FADS2: variants seen among roughly 807,000 people sequenced by gnomAD.
FADS2 encodes acyl-CoA 6-desaturase.
A neutral mutation model predicts 61.2 loss-of-function variants in FADS2; 18 were observed. That is an observed-to-expected ratio of 0.29 (90% CI 0.20 to 0.44). The LOEUF (loss-of-function observed/expected upper bound fraction) is 0.44. FADS2 is among the 20% of genes least tolerant of loss of function. FADS2 has a pLI of 1.00. For missense variants in FADS2, 322 were observed against 572.7 expected (o/e 0.56, Z 4.47); for synonymous variants, 203 against 223.9 (o/e 0.91, Z 0.83).
At position 61,837,834 on chromosome 11, in the gene FADS2, C is replaced by G. The variant is rs761610364; in HGVS notation, c.264C>G (p.Pro88=). Reference sequence around the variant, plus strand: ...AATTCGTGGGCAAGTTCTTGAAACCCCTGCTGATTGGTGAACTGGCCCCGG... The same window carrying G: ...AATTCGTGGGCAAGTTCTTGAAACCGCTGCTGATTGGTGAACTGGCCCCGG... ...DLEFVGKFLK[P]LLIGELAPEE... The change falls in exon 2 of 12, where the codon CCC becomes CCG. Residue 88 remains proline (P), a synonymous_variant. Transcript: ENST00000278840. 1.9e-6 allele frequency: 3 copies of G among 1,613,928 alleles called. No homozygotes were observed. In the South Asian group the frequency reaches 3.3e-5, roughly 18 times the overall value.
chr11:61,863,236 G>A, intron 8 of FADS2, 46 bp from the exon 9 acceptor site: 1 of 1,530,092 alleles, frequency 6.5e-7, no homozygotes, highest in Non-Finnish European at 9.1e-7. Flanking sequence ...TTCCCACTGT[G>A]GCTGGGCCCC....
upstream of FADS2, chr11:61,826,154 C>G: frequency 1.4e-6 from 1 of 702,662 alleles, no homozygotes; most frequent in South Asian, 1.5e-5. Flanking sequence ...TCCTCCCTTC[C>G]TACCCCTTAC....
chr11:61,822,623 G>A (rs1339415595), intron 1 of FADS2, among the ~76,000 whole-genome samples: 2 of 152,132 alleles, frequency 1.3e-5, no homozygotes, highest in Non-Finnish European at 2.9e-5. Flanking sequence ...CAGATTGCCC[G>A]GGGAATGGGT....
upstream of FADS2, among the ~76,000 whole-genome samples, chr11:61,823,368 T>C (rs2135948616): frequency 1.3e-5 from 2 of 152,370 alleles, no homozygotes; most frequent in East Asian, 3.9e-4. Context: ...TTGGACATTA[T>C]GTCCACCTCT....
chr11:61,861,577 A>G (rs992688729), intron 7 of FADS2, among the ~76,000 whole-genome samples: 22 of 152,160 alleles, frequency 1.4e-4, no homozygotes, highest in Non-Finnish European at 3.1e-4. Context: ...AATAGAAGGA[A>G]TGTGATGGAA....
chr11:61,848,083 T>C, intron 4 of FADS2, 76 bp from the exon 5 acceptor site: 1 of 1,598,848 alleles, frequency 6.3e-7, no homozygotes, highest in African/African-American at 1.3e-5. Context: ...GAACTGCTCC[T>C]AAGAAGGGCC....
chr11:61,860,574 C>T (rs1439734909), intron 7 of FADS2, among the ~76,000 whole-genome samples: 1 of 152,234 alleles, frequency 6.6e-6, no homozygotes, highest in African/African-American at 2.4e-5. Flanking sequence ...CTCTTGGGCT[C>T]TCTGCCCCTG....
chr11:61,824,500 AAG>A (rs2067064164), upstream of FADS2, among the ~76,000 whole-genome samples: 1 of 9,520 alleles, frequency 1.1e-4, no homozygotes, highest in African/African-American at 1.5e-4. Flanking sequence ...GAAAGAAAGA[AAG>A]GAAAGAAAGA....
chr11:61,824,441 AGGGAG>A (rs1565325197), upstream of FADS2, among the ~76,000 whole-genome samples: 1 of 3,550 alleles, frequency 2.8e-4, no homozygotes, highest in African/African-American at 6.8e-4. Flanking sequence ...AGAGGGAGGG[AGGGAG>A]GGAGGGAGGG....
chr11:61,824,503 GAAAGAAAGAAAGAAAGAAAGAA>G (rs2067064902), upstream of FADS2, among the ~76,000 whole-genome samples: 1 of 1,914 alleles, frequency 5.2e-4, no homozygotes, highest in Non-Finnish European at 2.4e-3. Flanking sequence ...AGAAAGAAAG[GAAAGAAAGAAAGAAAGAAAGAA>G]AGAAAAATCA....
At chr11:61,825,248 T>C (rs985890119), upstream of FADS2, among the ~76,000 whole-genome samples, 1 of 152,212 alleles carries the variant, frequency 6.6e-6, no homozygotes, top group Non-Finnish European at 1.5e-5. Flanking sequence ...ATCAGACTTA[T>C]TTCTCTTATT....
At chr11:61,817,909 C>A (rs7927451) in intron 1 of FADS2, among the ~76,000 whole-genome samples, 1,543 of 152,320 alleles carry the variant, frequency 0.01, 23 homozygotes, top group African/African-American at 0.035. Context: ...ATTCTCCTAA[C>A]AACCCTATGA....
chr11:61,855,452 C>T (rs2067348539), intron 5 of FADS2: 1 of 152,268 alleles, frequency 6.6e-6, no homozygotes, highest in South Asian at 2.1e-4. Flanking sequence ...ACTGGAGACT[C>T]ATGAAAGGCT....
Position 61,828,515 on chromosome 11 carries a change from A to G in FADS2, c.125A>G (p.Lys42Arg), listed in dbSNP as rs2067101758. The change falls in exon 1 of 12, where the codon AAG becomes AGG. Residue 42 changes from lysine (K) to arginine (R), a missense_variant. Physicochemically the swap from Lys to Arg is conservative, Grantham distance 26. Around this residue, in one of 3 missense-constraint regions of FADS2, gnomAD observed 61 missense variants for 107.4 expected, o/e 0.57. Transcript: ENST00000278840. This position sits in a 1 kb window ranked among gnomAD's most constrained non-coding sequence, Gnocchi z 6.4. Reference sequence around the variant, plus strand: ...GACAGGTGGCTGGTCATTGACCGCAAGGTTTACAACATCACCAAATGGTCC... The same window carrying G: ...GACAGGTGGCTGGTCATTGACCGCAGGGTTTACAACATCACCAAATGGTCC... ...RTDRWLVIDR[K>R]VYNITKWSIQ... 6.2e-7 allele frequency: 1 copy of G among 1,613,802 alleles called. No homozygotes were observed. The highest frequency in any genetic ancestry group is 1.1e-5 in the South Asian group (1 of 90,994).
intron 1 of FADS2, among the ~76,000 whole-genome samples, 168 bp from the exon 2 acceptor site, chr11:61,837,610 T>C (rs188675300): frequency 6.6e-6 from 1 of 152,300 alleles, no homozygotes. Flanking sequence ...CACTGAGGGC[T>C]CTGTCCTGGA....
rs2067475936 is a variant in FADS2 at position 61,866,886 on chromosome 11, GAGGC to G, written c.*1200_*1203del. The G allele has an allele frequency of 6.5e-6, 1 of 152,694 alleles. No individual in the cohort carries two copies. The highest frequency in any genetic ancestry group is 1.5e-5 in the Non-Finnish European group (1 of 68,282). 9.5% of individuals were successfully genotyped at this position (152,694 alleles called of 1,614,324 possible). On this transcript the variant is annotated 3_prime_UTR_variant, in exon 12 of 12. Transcript: ENST00000278840. ...GCCCTGACTGTCAGGGAGGGCCAGG[GAGGC>G]AGAGCGGGAGGGAGTCTCAGGAGGA...
chr11:61,816,505 C>T lies in FADS2; in HGVS notation c.141+79C>T. ...AGTGCGTAACTCTGTCTCCCCTGCA[C>T]TCAGCCTCCGGTCCCGCCCTCTCCT... On this transcript the variant is annotated intron_variant, in intron 1 of 11. Transcript: ENST00000257261. This position sits in a 1 kb window ranked among gnomAD's most constrained non-coding sequence, Gnocchi z 7.0. The T allele has an allele frequency of 6.3e-7, 1 of 1,599,470 alleles. No individual in the cohort carries two copies. The highest frequency in any genetic ancestry group is 8.5e-7 in the Non-Finnish European group (1 of 1,176,204).
intron 7 of FADS2, among the ~76,000 whole-genome samples, chr11:61,859,180 C>T (rs1380671581): frequency 6.6e-6 from 1 of 152,114 alleles, no homozygotes; most frequent in Non-Finnish European, 1.5e-5. Flanking sequence ...GCCTCAGCCT[C>T]CGAAGTAGCT....
At chr11:61,858,082 T>C (rs1301205534) in intron 7 of FADS2, among the ~76,000 whole-genome samples, 1 of 152,196 alleles carries the variant, frequency 6.6e-6, no homozygotes, top group Non-Finnish European at 1.5e-5. Flanking sequence ...TCTGGGCCTC[T>C]CATCGGCTGG....
Sources: allele counts gnomAD v4.1 joint callset (sites outside exome capture counted in the v4.1 genomes callset), GRCh38; gene constraint gnomAD v4.1.1; regional missense constraint gnomAD v4.1.1; non-coding constraint Gnocchi (gnomAD v3.1); transcripts MANE v1.5; gene names NCBI Gene and HGNC (gene_info 2026-07-23, HGNC 2026-07-21).